Variants in HRH1 observed in about 807,000 individuals in gnomAD.
HRH1 encodes histamine H1 receptor.
In HRH1, 6 loss-of-function variants were observed where a neutral mutation model predicts 10.3. The ratio of observed to expected loss-of-function variants is 0.58; its 90% CI spans 0.32 to 1.15. HRH1 has a LOEUF of 1.15. Ranked by LOEUF, HRH1 falls within the 50% of genes most tolerant of loss-of-function variation. The pLI is 0.05. For missense variants in HRH1, 514 were observed against 615.3 expected, an observed-to-expected ratio of 0.84 and a Z score of 1.74; for synonymous variants, 242 against 236.7, an observed-to-expected ratio of 1.02 and a Z score of -0.21.
chr3:11,163,754 A>G (rs982195359), intron 1 of HRH1, among the ~76,000 whole-genome samples: 3 of 152,168 alleles, frequency 2.0e-5, no homozygotes, highest in African/African-American at 7.2e-5. Flanking sequence ...GCCTAAGATT[A>G]TATGTGTTCT....
At chr3:11,175,628 A>G (rs1411765585) in intron 1 of HRH1, among the ~76,000 whole-genome samples, 1 of 152,250 alleles carries the variant, frequency 6.6e-6, no homozygotes, top group Non-Finnish European at 1.5e-5. Flanking sequence ...GTAATAAAAT[A>G]AAATAATAAT....
chr3:11,235,059 C>CA (rs1367780282), intron 1 of HRH1, among the ~76,000 whole-genome samples: 2 of 151,722 alleles, frequency 1.3e-5, no homozygotes, highest in African/African-American at 2.4e-5. Flanking sequence ...ACTAAAAATG[C>CA]AAAAAATTAG....
chr3:11,147,061 G>C (rs1936466261), intron 1 of HRH1, among the ~76,000 whole-genome samples: 1 of 152,190 alleles, frequency 6.6e-6, no homozygotes, highest in East Asian at 1.9e-4. Context: ...GAAGATCTTA[G>C]CAGAGACTGA....
In HRH1 at chr3:11,260,142, A is replaced by G; in HGVS notation, c.1105A>G (p.Thr369Ala). Residue 369 changes from threonine (T) to alanine (A), a missense_variant, in exon 2 of 2, where the codon ACA (threonine) becomes GCA (alanine). Transcript: ENST00000431010. ...AACGGACTCAGATACCACCACAGAG[A>G]CAGCACCAGGCAAAGGCAAATTGAG... ...SRTDSDTTTETAPGKGKLRSG... is the reference protein window; with the variant it reads ...SRTDSDTTTEAAPGKGKLRSG... The G allele has an allele frequency of 6.2e-7, 1 of 1,614,082 alleles. No individual in the cohort carries two copies. The highest frequency in any genetic ancestry group is 8.5e-7 in the Non-Finnish European group (1 of 1,180,020).
chr3:11,171,094 T>C (rs1178470670), intron 1 of HRH1, among the ~76,000 whole-genome samples: 2 of 150,816 alleles, frequency 1.3e-5, no homozygotes, highest in African/African-American at 4.9e-5. Context: ...GGAGTTGCAG[T>C]TGCAGGGTTT....
At chr3:11,223,366 G>C (rs1938777523) in intron 1 of HRH1, among the ~76,000 whole-genome samples, 1 of 151,776 alleles carries the variant, frequency 6.6e-6, no homozygotes, top group South Asian at 2.1e-4. Context: ...GGGGGTGGTG[G>C]CGGGCGCCTG....
chr3:11,228,880 C>T lies in HRH1; in HGVS notation c.-35-30123C>T, dbSNP rs182381124. ...AGTGAGACGAGATCTTGTCATTGCA[C>T]TCCATCCTGGGTGACAGAATGAGAG... On this transcript the variant is annotated intron_variant, in intron 1 of 1. Coordinates refer to ENST00000431010, the MANE Select transcript of HRH1 (RefSeq NM_001098212.2). Among the ~76,000 whole-genome samples, 4 of 148,906 alleles carry T rather than the reference C, an allele frequency of 2.7e-5. No homozygotes were observed. In the East Asian group the frequency reaches 7.9e-4, roughly 29 times the overall value.
At chr3:11,193,663 G>A (rs1307089667) in intron 1 of HRH1, among the ~76,000 whole-genome samples, 1 of 152,142 alleles carries the variant, frequency 6.6e-6, no homozygotes, top group Non-Finnish European at 1.5e-5. Flanking sequence ...ATTTCTCACA[G>A]TTCTGGAGGC....
intron 1 of HRH1, among the ~76,000 whole-genome samples, chr3:11,229,378 A>G (rs1397194241): frequency 6.6e-6 from 1 of 152,218 alleles, no homozygotes; most frequent in Non-Finnish European, 1.5e-5. Context: ...ATATGGAGGA[A>G]ATGTCATACC....
intron 1 of HRH1, among the ~76,000 whole-genome samples, chr3:11,244,117 C>T (rs1345165550): frequency 1.3e-5 from 2 of 152,204 alleles, no homozygotes; most frequent in African/African-American, 4.8e-5. Flanking sequence ...AAGTCTGTCC[C>T]GATGGCTGCT....
intron 1 of HRH1, among the ~76,000 whole-genome samples, chr3:11,258,160 G>T (rs1459500655): frequency 6.7e-6 from 1 of 150,130 alleles, no homozygotes; most frequent in African/African-American, 2.5e-5. Context: ...TGTGCCTCTG[G>T]TGTGTCCCCT....
intron 1 of HRH1, among the ~76,000 whole-genome samples, chr3:11,199,316 A>G (rs1276404353): frequency 2.0e-5 from 3 of 152,096 alleles, no homozygotes; most frequent in South Asian, 2.1e-4. Context: ...CTCTCCTTAG[A>G]GTCTAGTGCT....
chr3:11,191,093 G>C (rs4684059), intron 1 of HRH1, among the ~76,000 whole-genome samples: 54,908 of 151,956 alleles, frequency 0.36, 10,390 homozygotes, highest in East Asian at 0.43. Context: ...CCTTGGCCTT[G>C]GAATCTGGCA....
intron 1 of HRH1, among the ~76,000 whole-genome samples, chr3:11,182,277 C>T (rs554886329): frequency 3.9e-5 from 6 of 152,216 alleles, no homozygotes; most frequent in Admixed American, 6.5e-5. Flanking sequence ...CCACCGCGCC[C>T]GGCCCGTAAA....
chr3:11,152,625 C>T (rs1270823681), upstream of HRH1, among the ~76,000 whole-genome samples: 2 of 146,350 alleles, frequency 1.4e-5, no homozygotes, highest in African/African-American at 2.5e-5. Flanking sequence ...TGCCCCCATC[C>T]CCCCTCCCAC....
chr3:11,238,313 T>A (rs902946515), intron 1 of HRH1, among the ~76,000 whole-genome samples: 1 of 152,224 alleles, frequency 6.6e-6, no homozygotes, highest in Non-Finnish European at 1.5e-5. Flanking sequence ...AACATCTCAC[T>A]GCCCCTTTCA....
chr3:11,228,417 A>C (rs1480083582), intron 1 of HRH1, among the ~76,000 whole-genome samples: 1 of 152,084 alleles, frequency 6.6e-6, no homozygotes, highest in Non-Finnish European at 1.5e-5. Flanking sequence ...AAACCCAGAG[A>C]TACCCCAGAC....
At chr3:11,228,843 G>A (rs377632623) in intron 1 of HRH1, among the ~76,000 whole-genome samples, 1 of 151,504 alleles carries the variant, frequency 6.6e-6, no homozygotes, top group East Asian at 1.9e-4. Context: ...GAACCCAGGA[G>A]GTGAAGTTTG....
At chr3:11,238,933 T>G (rs1939260405) in intron 1 of HRH1, among the ~76,000 whole-genome samples, 1 of 152,274 alleles carries the variant, frequency 6.6e-6, no homozygotes, top group East Asian at 1.9e-4. Flanking sequence ...GAACATTTGG[T>G]TTTTTTCCAC....
Sources: allele counts gnomAD v4.1 joint callset (sites outside exome capture counted in the v4.1 genomes callset), GRCh38; gene constraint gnomAD v4.1.1; transcripts MANE v1.5; gene names NCBI Gene and HGNC (gene_info 2026-07-23, HGNC 2026-07-21).